CASS4: variants seen among roughly 807,000 people sequenced by gnomAD.
The protein encoded by CASS4 is Cas scaffold protein family member 4.
A neutral mutation model predicts 54.2 loss-of-function variants in CASS4; 22 were observed. The observed-to-expected ratio is 0.41, with a 90% CI of 0.29 to 0.58. CASS4 has a LOEUF of 0.58. CASS4 is among the 20% of genes least tolerant of loss of function. The pLI, the probability that CASS4 is intolerant of heterozygous loss-of-function variation, is 0.36. For missense variants in CASS4, 854 were observed against 986.7 expected (o/e 0.87, Z 1.80); for synonymous variants, 409 against 391.5 (o/e 1.04, Z -0.53).
intron 2 of CASS4, among the ~76,000 whole-genome samples, chr20:56,441,167 A>T (rs1980438257): frequency 6.6e-6 from 1 of 150,602 alleles, no homozygotes. Context: ...TTTTTTTTGT[A>T]TTTTTTAGTA....
At chr20:56,434,603 A>ATTT (rs201927658) in intron 1 of CASS4, among the ~76,000 whole-genome samples, 14 of 141,810 alleles carry the variant, frequency 9.9e-5, no homozygotes, top group East Asian at 4.1e-4. Context: ...CTCCCAGCTA[A>ATTT]TTTTTTTTTT....
intron 1 of CASS4, among the ~76,000 whole-genome samples, chr20:56,426,325 G>A (rs1254039744): frequency 2.0e-5 from 3 of 152,140 alleles, no homozygotes; most frequent in Non-Finnish European, 4.4e-5. Flanking sequence ...ATCAAATGCG[G>A]TCATCAGTGC....
At chr20:56,415,515 T>C (rs1374161103) in intron 1 of CASS4, among the ~76,000 whole-genome samples, 1 of 152,252 alleles carries the variant, frequency 6.6e-6, no homozygotes, top group Admixed American at 6.5e-5. Flanking sequence ...CTTCTTGCCT[T>C]TAGCAACTAC....
chr20:56,423,053 C>A (rs1171686761), intron 1 of CASS4, among the ~76,000 whole-genome samples: 3 of 152,124 alleles, frequency 2.0e-5, no homozygotes, highest in Non-Finnish European at 2.9e-5. Flanking sequence ...GGGCAGTGAG[C>A]CTCCCCCAGG....
chr20:56,421,443 TC>T (rs1241165570), intron 1 of CASS4, among the ~76,000 whole-genome samples: 1 of 152,138 alleles, frequency 6.6e-6, no homozygotes. Flanking sequence ...ACGCCTGTAA[TC>T]CCAGCACTTT....
chr20:56,422,923 T>G (rs1328194273), intron 1 of CASS4, among the ~76,000 whole-genome samples: 1 of 152,272 alleles, frequency 6.6e-6, no homozygotes, highest in Non-Finnish European at 1.5e-5. Context: ...CTGGTTTCTC[T>G]GGATAAACCG....
At chr20:56,412,118 T>C, upstream of CASS4, 1 of 337,004 alleles carries the variant, frequency 3.0e-6, no homozygotes, top group East Asian at 8.4e-5. The surrounding 1 kb of genome is among the most constrained non-coding windows in gnomAD (Gnocchi z 4.2). Flanking sequence ...AGCAGAAGAG[T>C]GGTGTTTTTT....
intron 2 of CASS4, among the ~76,000 whole-genome samples, chr20:56,445,482 A>G (rs1980661164): frequency 6.6e-6 from 1 of 152,206 alleles, no homozygotes. Flanking sequence ...GCCTAGCTAG[A>G]TGAATGTAGA....
chr20:56,450,319 C>T (rs1034575456), intron 3 of CASS4, among the ~76,000 whole-genome samples: 14 of 152,152 alleles, frequency 9.2e-5, no homozygotes, highest in East Asian at 1.9e-4. Flanking sequence ...CCACCACGCC[C>T]GGCTGAGAAG....
At chr20:56,431,670 A>T (rs1979909678) in intron 1 of CASS4, among the ~76,000 whole-genome samples, 1 of 152,196 alleles carries the variant, frequency 6.6e-6, no homozygotes, top group Non-Finnish European at 1.5e-5. Context: ...CTCTGGGAAA[A>T]AGTCCTTACT....
Position 56,452,057 on chromosome 20 carries a change from T to G in CASS4, c.881T>G (p.Leu294Arg). 1.9e-6 allele frequency: 3 copies of G among 1,614,202 alleles called. No homozygotes were observed. The highest frequency in any genetic ancestry group is 2.5e-6 in the Non-Finnish European group (3 of 1,180,032). The change falls in exon 5 of 6, where the codon CTG becomes CGG. Residue 294 changes from leucine (L) to arginine (R), a missense_variant. By Grantham distance (102) the Leu-to-Arg change is moderately radical (BLOSUM62 -2). Coordinates refer to ENST00000679887, the MANE Select transcript of CASS4 (RefSeq NM_020356.4). ...AGATCCAGGTCCCTCACTCCACAAC[T>G]GAATAACAATGTGCCCATGCAGAAA... The part of the protein sequence containing the change: ...SGRSRSLTPQ[L>R]NNNVPMQKKL...
intron 2 of CASS4, among the ~76,000 whole-genome samples, chr20:56,444,085 C>G (rs995927972): frequency 1.3e-5 from 2 of 152,130 alleles, no homozygotes; most frequent in Non-Finnish European, 2.9e-5. Flanking sequence ...TGTCTGCATC[C>G]GTGAGTCTAG....
Position 56,416,330 on chromosome 20 carries a change from G to A in CASS4, c.36+3836G>A, listed in dbSNP as rs570918679. On this transcript the variant is annotated intron_variant, in intron 1 of 5. Transcript: ENST00000679887. Reference sequence around the variant, plus strand: ...CTCCCAAAGTGCTGGGATTACAGGCGTGAGCCACTGCGCCCAGCCAGAAAT... The same window carrying A: ...CTCCCAAAGTGCTGGGATTACAGGCATGAGCCACTGCGCCCAGCCAGAAAT... Among the ~76,000 whole-genome samples the A allele has an allele frequency of 6.2e-4, 94 of 152,278 alleles. No homozygotes were observed. The South Asian group carries it at 0.018, about 29-fold the overall frequency.
chr20:56,415,465 G>GT (rs918654648), intron 1 of CASS4, among the ~76,000 whole-genome samples: 19 of 152,168 alleles, frequency 1.2e-4, no homozygotes, highest in Non-Finnish European at 1.5e-5. Flanking sequence ...ATGTTTTAAG[G>GT]TTTTACACAA....
intron 1 of CASS4, among the ~76,000 whole-genome samples, chr20:56,421,434 C>T (rs1367498503): frequency 1.3e-5 from 2 of 152,166 alleles, no homozygotes; most frequent in Non-Finnish European, 1.5e-5. Flanking sequence ...TGGTAGTCCA[C>T]GCCTGTAATC....
Position 56,458,872 on chromosome 20 carries a change from C to A in CASS4, c.*125C>A. The stretch of plus-strand genomic sequence containing the variant: ...AATGAGCTGAAACAGACCTGGTGCC[C>A]AAAGCTGGTAGTACCAAGTGGCTAA... On this transcript the variant is annotated 3_prime_UTR_variant, in exon 6 of 6. Transcript: ENST00000679887. The A allele has an allele frequency of 9.8e-7, 1 of 1,019,250 alleles. No homozygotes were observed. The highest frequency in any genetic ancestry group is 1.4e-6 in the Non-Finnish European group (1 of 713,374). 63.1% of individuals were successfully genotyped at this position (1,019,250 alleles called of 1,614,324 possible).
rs1229304940 is a variant in CASS4, at chr20:56,458,372, T to G, written c.1986T>G (p.Ser662Arg). Reference sequence around the variant, plus strand: ...GCCCTCTTATACCTCAGCCTTCGAGTCAACAGACTCCTGAGAGGAAACCCC... The same window carrying G: ...GCCCTCTTATACCTCAGCCTTCGAGGCAACAGACTCCTGAGAGGAAACCCC... The part of the protein sequence containing the change: ...NPGPLIPQPS[S>R]QQTPERKPRL... Residue 662 changes from serine (S) to arginine (R), a missense_variant, in exon 6 of 6, where the codon AGT becomes AGG. Ser to Arg is a moderately radical substitution (Grantham distance 110). Transcript: ENST00000679887. 6.2e-7 allele frequency: 1 copy of G among 1,612,970 alleles called. No individual in the cohort carries two copies.
intron 1 of CASS4, among the ~76,000 whole-genome samples, chr20:56,432,899 G>GA (rs1021150123): frequency 3.9e-5 from 6 of 152,044 alleles, no homozygotes; most frequent in Admixed American, 3.3e-4. Flanking sequence ...TGTGGGCAGG[G>GA]GCGTCACAGA....
rs1363716295 is a variant in CASS4 at position 56,452,957 on chromosome 20, A to G, written c.1781A>G (p.Lys594Arg). ...CTCCTTTTTAAGCGGAACTGTGAAA[A>G]GGAAGAGACTGTGCAGTTGACCCCA... ...GRLLFKRNCE[K>R]EETVQLTPNA... The change falls in exon 5 of 6, where the codon AAG becomes AGG. Residue 594 changes from lysine to arginine, a missense_variant. Physicochemically the swap from Lys to Arg is conservative, Grantham distance 26. Transcript: ENST00000679887. 3 of 1,613,970 alleles carry G rather than the reference A, an allele frequency of 1.9e-6. No homozygotes were observed.
Sources: allele counts gnomAD v4.1 joint callset (sites outside exome capture counted in the v4.1 genomes callset), GRCh38; gene constraint gnomAD v4.1.1; non-coding constraint Gnocchi (gnomAD v3.1); transcripts MANE v1.5; gene names NCBI Gene and HGNC (gene_info 2026-07-23, HGNC 2026-07-21).